Variants in PDZD2 observed in about 807,000 individuals in gnomAD.
PDZD2 encodes PDZ domain containing 2.
Under a neutral mutation model 220.7 loss-of-function variants are expected in PDZD2, and 90 were observed. The observed-to-expected ratio is 0.41, with a 90% CI of 0.34 to 0.49. PDZD2 has a LOEUF of 0.49. Among genes scored for constraint, PDZD2 ranks in the 20% least tolerant of loss-of-function variants. PDZD2 has a pLI of 0.28. For missense variants in PDZD2, 3,174 were observed against 3,608.5 expected, an observed-to-expected ratio of 0.88 and a Z score of 3.08; for synonymous variants, 1,375 against 1,450.5, an observed-to-expected ratio of 0.95 and a Z score of 1.18.
intron 2 of PDZD2, among the ~76,000 whole-genome samples, chr5:31,897,872 G>C (rs898082905): frequency 6.6e-6 from 1 of 152,070 alleles, no homozygotes; most frequent in Non-Finnish European, 1.5e-5. Context: ...GAGTAGCTGG[G>C]ATTACAGGTG....
intron 2 of PDZD2, among the ~76,000 whole-genome samples, chr5:31,871,494 C>G (rs568857104): frequency 1.7e-3 from 256 of 152,314 alleles, no homozygotes; most frequent in Non-Finnish European, 1.7e-3. Context: ...CTCTGTCATC[C>G]AGGCTGGAGT....
rs556276502 is a variant in PDZD2 at position 32,014,706 on chromosome 5, C to CTTTTTTTTTTTTTTTTTTTTTTTTTT, written c.1407+4227_1407+4252dup. ...ATTTTCTGCTCTGCAATGACAATTTCTTTTTTTTTTTTTTTTTTTTTTTTT... is the reference window on the plus strand; with the variant it reads ...ATTTTCTGCTCTGCAATGACAATTTCTTTTTTTTTTTTTTTTTTTTTTTTTTTTTTTTTTTTTTTTTTTTTTTTTTT... On this transcript the variant is annotated intron_variant, in intron 6 of 24. Coordinates refer to ENST00000438447, the MANE Select transcript of PDZD2 (RefSeq NM_178140.4). 2.0e-4 allele frequency among the ~76,000 whole-genome samples: 19 copies of CTTTTTTTTTTTTTTTTTTTTTTTTTT among 95,430 alleles called. 8 individuals carry two copies. The highest frequency in any genetic ancestry group is 8.3e-4 in the African/African-American group (19 of 22,906). The allele number at this position is 95,430 out of a possible 152,430, so 62.6% of individuals were successfully genotyped here. A position where few individuals can be genotyped will look rare whatever the true frequency, so the allele number is the denominator to read the frequency against.
intron 1 of PDZD2, among the ~76,000 whole-genome samples, chr5:31,720,471 T>G (rs1158118089): frequency 6.6e-6 from 1 of 152,196 alleles, no homozygotes; most frequent in Non-Finnish European, 1.5e-5. Context: ...CCTCTGAAGA[T>G]TCACTGCAAA....
rs116911092 is a variant in PDZD2, at chr5:31,711,247, T to C, written c.-361+71810T>C. Among the ~76,000 whole-genome samples, 20 of 152,256 alleles carry C rather than the reference T, an allele frequency of 1.3e-4. 1 individual carries two copies. In the East Asian group the frequency reaches 3.9e-3, roughly 29 times the overall value. Reference sequence around the variant, plus strand: ...ATTCCTAATGGCTTTGCACCAGAATTTGCAGTCCAACCTAATTAAAGGGCA... The same window carrying C: ...ATTCCTAATGGCTTTGCACCAGAATCTGCAGTCCAACCTAATTAAAGGGCA... On this transcript the variant is annotated intron_variant, in intron 1 of 24. Coordinates refer to ENST00000438447, the MANE Select transcript of PDZD2 (RefSeq NM_178140.4).
intron 3 of PDZD2, among the ~76,000 whole-genome samples, chr5:31,990,990 T>G (rs1349615626): frequency 6.6e-6 from 1 of 152,076 alleles, no homozygotes; most frequent in African/African-American, 2.4e-5. Context: ...GGCAGAATGT[T>G]CCCAGGGAAG....
chr5:31,717,032 C>A (rs1327815862), intron 1 of PDZD2, among the ~76,000 whole-genome samples: 2 of 152,014 alleles, frequency 1.3e-5, no homozygotes, highest in East Asian at 3.9e-4. Context: ...GGTTTTTTAT[C>A]TCTAAGAATT....
chr5:31,866,510 C>T (rs1047669891), intron 2 of PDZD2, among the ~76,000 whole-genome samples: 14 of 152,122 alleles, frequency 9.2e-5, no homozygotes, highest in Non-Finnish European at 1.9e-4. Flanking sequence ...GATTCGTGCC[C>T]TCACAGCTGC....
chr5:31,943,291 G>GA (rs761880168), intron 2 of PDZD2, among the ~76,000 whole-genome samples: 14 of 152,148 alleles, frequency 9.2e-5, no homozygotes, highest in Non-Finnish European at 2.1e-4. Context: ...ACGGCTGTGG[G>GA]AAGTGTTGCT....
At chr5:31,884,369 C>G (rs145781888) in intron 2 of PDZD2, among the ~76,000 whole-genome samples, 1 of 152,146 alleles carries the variant, frequency 6.6e-6, no homozygotes, top group Non-Finnish European at 1.5e-5. Context: ...TCCTAGATTT[C>G]TTCATTTGTT....
chr5:31,956,540 C>A (rs1581156790), intron 2 of PDZD2, among the ~76,000 whole-genome samples: 1 of 134,320 alleles, frequency 7.4e-6, no homozygotes, highest in Admixed American at 7.6e-5. Context: ...GAGTGAGACT[C>A]TGTCTCAAAA....
rs748881165 is a variant in PDZD2 at position 31,664,584 on chromosome 5, G to A, written c.-361+25147G>A. ...AATGGTTCACAGCCAAACCTGCCCC[G>A]GCTGTCTTGTGATTCATACGACGGC... On this transcript the variant is annotated intron_variant, in intron 1 of 24. Coordinates refer to ENST00000438447, the MANE Select transcript of PDZD2 (RefSeq NM_178140.4). 1.2e-4 allele frequency among the ~76,000 whole-genome samples: 19 copies of A among 152,048 alleles called. No individual in the cohort carries two copies. In the East Asian group the frequency reaches 2.7e-3, roughly 22 times the overall value.
intron 1 of PDZD2, among the ~76,000 whole-genome samples, chr5:31,745,056 G>A (rs887173305): frequency 2.0e-5 from 3 of 148,918 alleles, no homozygotes; most frequent in African/African-American, 4.9e-5. Flanking sequence ...CTGGGCGACA[G>A]AGGGAGACTC....
chr5:31,823,106 T>C (rs6870166), intron 2 of PDZD2: 397,055 of 679,366 alleles, frequency 0.58, 119,202 homozygotes, highest in Non-Finnish European at 0.62. Flanking sequence ...TCTGGAATGT[T>C]GACAGTCTGA....
At chr5:31,737,769 T>G (rs781706870) in intron 1 of PDZD2, among the ~76,000 whole-genome samples, 1 of 152,238 alleles carries the variant, frequency 6.6e-6, no homozygotes, top group Non-Finnish European at 1.5e-5. Flanking sequence ...AATTTCTAGC[T>G]GGATAAATCT....
At chr5:32,062,393 A>ATTTTT (rs35709661) in intron 14 of PDZD2, among the ~76,000 whole-genome samples, 3,022 of 141,228 alleles carry the variant, frequency 0.021, 109 homozygotes, top group African/African-American at 0.075. Context: ...TCAAGACTAA[A>ATTTTT]TTTTTTTTTT....
At position 31,764,984 on chromosome 5, in the gene PDZD2, C is replaced by T. The variant is rs188249885; in HGVS notation, c.-360-33905C>T. Among the ~76,000 whole-genome samples, 8 of 151,930 alleles carry T rather than the reference C, an allele frequency of 5.3e-5. No individual in the cohort carries two copies. The East Asian group carries it at 1.4e-3, about 26-fold the overall frequency. On this transcript the variant is annotated intron_variant, in intron 1 of 24. Transcript: ENST00000438447. ...CCCAGCTACTCGGGAGGCTAAGGCA[C>T]GAGAATTGCTTGAACCCGGGAGGTG...
At chr5:31,797,156 G>T (rs1252958824) in intron 1 of PDZD2, among the ~76,000 whole-genome samples, 2 of 136,564 alleles carry the variant, frequency 1.5e-5, no homozygotes, top group Non-Finnish European at 1.5e-5. Flanking sequence ...TGTTAGCCAG[G>T]ATGGTCTTGA....
At chr5:31,757,062 T>C (rs183664163) in intron 1 of PDZD2, among the ~76,000 whole-genome samples, 2 of 152,004 alleles carry the variant, frequency 1.3e-5, no homozygotes, top group African/African-American at 4.8e-5. Flanking sequence ...AGTGGGAGGA[T>C]CACGTGAGGC....
chr5:31,934,607 TA>T (rs5867117), intron 2 of PDZD2, among the ~76,000 whole-genome samples: 80 of 118,036 alleles, frequency 6.8e-4, no homozygotes, highest in Admixed American at 2.5e-3. Context: ...ACCATCTAAT[TA>T]AAAAAAAAAA....
Sources: allele counts gnomAD v4.1 joint callset (sites outside exome capture counted in the v4.1 genomes callset), GRCh38; gene constraint gnomAD v4.1.1; transcripts MANE v1.5; gene names NCBI Gene and HGNC (gene_info 2026-07-23, HGNC 2026-07-21).